C3: variants seen among roughly 807,000 people sequenced by gnomAD.
C3 encodes C3 and PZP-like alpha-2-macroglobulin domain-containing protein 1.
C3 carries 97 observed loss-of-function variants against 207.9 expected under a neutral mutation model. That is an observed-to-expected ratio of 0.47 (90% CI 0.40 to 0.55). The LOEUF is 0.55. Among genes scored for constraint, C3 ranks in the 20% least tolerant of loss-of-function variants. C3 has a pLI of 0.00. For missense variants in C3, 1,684 were observed against 2,171.7 expected (o/e 0.78, Z 4.46); for synonymous variants, 848 against 857.6 (o/e 0.99, Z 0.20).
Position 6,709,697 on chromosome 19 carries a change from AGTTT to A in C3, c.1828_1831del (p.Lys610Ter). ...ACTGGCCCTTACCTTACTCTGCGTC[AGTTT>A]GTTCTTCTTATTCAGCACGAACACG... On this transcript the variant is annotated frameshift_variant, in exon 14 of 41. Transcript: ENST00000245907. LOFTEE classifies it high-confidence loss of function. The A allele has an allele frequency of 6.2e-7, 1 of 1,609,734 alleles. No individual in the cohort carries two copies. The highest frequency in any genetic ancestry group is 1.4e-5 in the African/African-American group (1 of 73,546).
Position 6,702,170 on chromosome 19 carries a change from G to A in C3, c.2397C>T (p.Ile799=). 1.9e-6 allele frequency: 3 copies of A among 1,607,342 alleles called. No individual in the cohort carries two copies. Among genetic ancestry groups the A allele is most frequent in the Non-Finnish European group, 2.6e-6 (3 of 1,175,330 alleles). ...TCACAGCCAGAATCTCCCACGTGGT[G>A]ATGGAGTCTTTCAAAAATATATTCA... ...KLMNIFLKDS[I]TTWEILAVSM... The change falls in exon 19 of 41, where the codon ATC becomes ATT. Residue 799 remains isoleucine (I), a synonymous_variant. Coordinates refer to ENST00000245907, the MANE Select transcript of C3 (RefSeq NM_000064.4).
At chr19:6,694,366 A>T in intron 24 of C3, 65 bp downstream of exon 24, 1 of 1,441,512 alleles carries the variant, frequency 6.9e-7, no homozygotes, top group Non-Finnish European at 9.8e-7. Context: ...ATGAGGTGGG[A>T]TCTTAGGGGA....
intron 40 of C3, 36 bp downstream of exon 40, chr19:6,678,116 C>T (rs1413213859): frequency 6.2e-6 from 10 of 1,613,894 alleles, no homozygotes; most frequent in African/African-American, 1.3e-5. Flanking sequence ...GCGGGGCAGT[C>T]GGGCGGTCGC....
At position 6,697,775 on chromosome 19, in the gene C3, G is replaced by C. The variant is rs1425995053; in HGVS notation, c.2460C>G (p.Pro820=). The C allele has an allele frequency of 6.2e-7, 1 of 1,613,582 alleles. No homozygotes were observed. Among genetic ancestry groups the C allele is most frequent in the African/African-American group, 1.3e-5 (1 of 74,986 alleles). Residue 820 remains proline (P), a synonymous_variant, in exon 20 of 41, where the codon CCC becomes CCG. Coordinates refer to ENST00000245907, the MANE Select transcript of C3 (RefSeq NM_000064.4). ...SDKKGICVAD[P]FEVTVMQDFF... Reference sequence around the variant, plus strand: ...AGTCCTGCATTACTGTGACCTCGAAGGGGTCTGCCACACAGATCCCTGCTC... The same window carrying C: ...AGTCCTGCATTACTGTGACCTCGAACGGGTCTGCCACACAGATCCCTGCTC...
rs1005943159 is a variant in C3, at chr19:6,700,931, A to AAAAG, written c.2440+1192_2440+1195dup. On this transcript the variant is annotated intron_variant, in intron 19 of 40. Coordinates refer to ENST00000245907, the MANE Select transcript of C3 (RefSeq NM_000064.4). Reference sequence around the variant, plus strand: ...CCGAGTGAGACTCCTTCTCAAAAACAAAAGAAAGAAAGAAAAGCATCAATT... The same window carrying AAAAG: ...CCGAGTGAGACTCCTTCTCAAAAACAAAAGAAAGAAAGAAAGAAAAGCATCAATT... Among the ~76,000 whole-genome samples the AAAAG allele has an allele frequency of 1.6e-3, 246 of 151,430 alleles. 2 individuals are homozygous for AAAAG. The highest frequency in any genetic ancestry group is 4.7e-4 in the Non-Finnish European group (32 of 67,898).
At chr19:6,691,231 T>C (rs1918160256) in intron 26 of C3, among the ~76,000 whole-genome samples, 1 of 151,990 alleles carries the variant, frequency 6.6e-6, no homozygotes, top group Non-Finnish European at 1.5e-5. Flanking sequence ...TTTTTTTGTA[T>C]TTAGTAGAGA....
In C3 at chr19:6,719,507, C is replaced by T; in HGVS notation, c.75-104G>A. The T allele has an allele frequency of 9.6e-7, 1 of 1,044,898 alleles. No individual in the cohort carries two copies. Among genetic ancestry groups the T allele is most frequent in the South Asian group, 1.4e-5 (1 of 71,294 alleles). 64.7% of individuals were successfully genotyped at this position (1,044,898 alleles called of 1,614,324 possible). A position where few individuals can be genotyped will look rare whatever the true frequency, so the allele number is the denominator to read the frequency against. ...CAGGCTGTGTGCCCCAGCCTCTGGT[C>T]CTGGAGAGGATCCAGTGACTGCCGG... On this transcript the variant is annotated intron_variant, in intron 1 of 40. Transcript: ENST00000245907. This position sits in a 1 kb window ranked among gnomAD's most constrained non-coding sequence, Gnocchi z 5.4.
At chr19:6,713,596 G>A (rs1729323692) in intron 7 of C3, 87 bp from the exon 8 acceptor site, 6 of 1,071,786 alleles carry the variant, frequency 5.6e-6, no homozygotes, top group South Asian at 3.9e-5. Flanking sequence ...CTGAAGACTG[G>A]AGCCCCCAAC....
At chr19:6,720,435 T>C in intron 1 of C3, 81 bp downstream of exon 1, 1 of 1,008,056 alleles carries the variant, frequency 9.9e-7, no homozygotes, top group Non-Finnish European at 1.5e-6. Context: ...GCACCCTGAA[T>C]TCTACAGGGA....
In C3 at chr19:6,714,006, G is replaced by A. The variant is rs1187406420; in HGVS notation, c.759C>T (p.Val253=). 1 of 1,606,300 alleles carries A rather than the reference G, an allele frequency of 6.2e-7. No individual in the cohort carries two copies. The highest frequency in any genetic ancestry group is 8.5e-7 in the Non-Finnish European group (1 of 1,177,200). Residue 253 remains valine (V), a synonymous_variant, in exon 7 of 41, where the codon GTC becomes GTT. Transcript: ENST00000245907. Reference sequence around the variant, plus strand: ...CAGTCCCTCACCTGGCGGTGATGGTGACCTCCAGGCCCTTCTCGTTATAGA... The same window carrying A: ...CAGTCCCTCACCTGGCGGTGATGGTAACCTCCAGGCCCTTCTCGTTATAGA... ...YYIYNEKGLE[V]TITARFLYGK... is the part of the protein sequence containing the mutation.
Position 6,697,349 on chromosome 19 carries a change from C to T in C3, c.2791G>A (p.Val931Ile), listed in dbSNP as rs1353600486. Residue 931 changes from valine to isoleucine, a missense_variant, in exon 21 of 41, where the codon GTC becomes ATC. Transcript: ENST00000245907. ...ISDGVRKSLK[V>I]VPEGIRMNKT... is the part of the protein sequence containing the mutation. ...TGGGTGCCCCAAGCACTCACCACGA[C>T]CTTCAGGGACTTCCTGACACCGTCA... 2.5e-6 allele frequency: 4 copies of T among 1,613,412 alleles called. No individual in the cohort carries two copies. The Admixed American group carries it at 5.0e-5, about 20-fold the overall frequency.
chr19:6,702,531 C>G lies in C3; in HGVS notation c.2294G>C (p.Ser765Thr), dbSNP rs1967697129. ...CCACAGCCAGCTCTCTGGGAACTCA[C>G]TTCGGGAAACGATGTTCTCTTCTGC... is the stretch of plus-strand genomic sequence containing the variant. ...IIAEENIVSR[S>T]EFPESWLWNV... Residue 765 changes from serine to threonine, a missense_variant, in exon 18 of 41, where the codon AGT (serine) becomes ACT (threonine). By Grantham distance (58) the Ser-to-Thr change is moderately conservative. Transcript: ENST00000245907. 8 of 1,614,206 alleles carry G rather than the reference C, an allele frequency of 5.0e-6. No homozygotes were observed. The East Asian group carries it at 1.6e-4, about 31-fold the overall frequency.
chr19:6,701,738 T>C (rs1967678675), intron 19 of C3, among the ~76,000 whole-genome samples: 1 of 152,184 alleles, frequency 6.6e-6, no homozygotes, highest in Admixed American at 6.6e-5. Context: ...TTGACCAGGC[T>C]GGTCTTGAAC....
chr19:6,678,539 T>C, intron 38 of C3, 84 bp from the exon 39 acceptor site: 1 of 1,077,686 alleles, frequency 9.3e-7, no homozygotes, highest in Non-Finnish European at 1.4e-6. Flanking sequence ...CCCGGGCATG[T>C]GGCTCTCTCT....
intron 14 of C3, 73 bp downstream of exon 14, chr19:6,709,611 T>TTGCCCCCCCCC: frequency 2.0e-5 from 22 of 1,109,404 alleles, no homozygotes; most frequent in East Asian, 2.6e-5. Context: ...CCCTCTCCAG[T>TTGCCCCCCCCC]CCCACCCACC....
intron 33 of C3, chr19:6,682,505 GCTT>G: frequency 2.5e-6 from 1 of 404,558 alleles, no homozygotes. Flanking sequence ...GACCCTCCAT[GCTT>G]CAGTTCTAGA....
intron 14 of C3, 145 bp from the exon 15 acceptor site, chr19:6,708,074 C>G (rs1967820268): frequency 4.8e-6 from 4 of 833,456 alleles, no homozygotes; most frequent in South Asian, 1.6e-5. Context: ...CCCTTCCTTT[C>G]TCTTTCTCTT....
Position 6,712,510 on chromosome 19 carries a change from T to A in C3, c.1117A>T (p.Met373Leu). The change falls in exon 10 of 41, where the codon ATG becomes TTG. Residue 373 changes from methionine (M) to leucine (L), a missense_variant and splice_region_variant. Met to Leu is a conservative substitution (Grantham distance 15, BLOSUM62 2). This residue lies in a region of C3 where 1,280 missense variants were observed against 1,739.1 expected (regional missense o/e 0.74). Transcript: ENST00000245907. ...YFKPGMPFDLMVFVTNPDGSP... is the reference protein window; with the variant it reads ...YFKPGMPFDLLVFVTNPDGSP... ...CCCCTTCCCGCCCCGGGTCTCACCATGAGGTCAAAGGGCATTCCTGGTTTG... is the reference window on the plus strand; with the variant it reads ...CCCCTTCCCGCCCCGGGTCTCACCAAGAGGTCAAAGGGCATTCCTGGTTTG... The A allele has an allele frequency of 6.2e-7, 1 of 1,613,116 alleles. No individual in the cohort carries two copies. Among genetic ancestry groups the A allele is most frequent in the South Asian group, 1.1e-5 (1 of 91,060 alleles).
chr19:6,694,401 T>TG, intron 24 of C3, 30 bp downstream of exon 24: 1 of 1,604,786 alleles, frequency 6.2e-7, no homozygotes, highest in Non-Finnish European at 8.5e-7. Flanking sequence ...AAGGGGTCCC[T>TG]GGGGTCTCCA....
Sources: allele counts gnomAD v4.1 joint callset (sites outside exome capture counted in the v4.1 genomes callset), GRCh38; gene constraint gnomAD v4.1.1; regional missense constraint gnomAD v4.1.1; non-coding constraint Gnocchi (gnomAD v3.1); transcripts MANE v1.5; gene names NCBI Gene and HGNC (gene_info 2026-07-23, HGNC 2026-07-21).